Variants in THSD4 observed in about 807,000 individuals in gnomAD.
THSD4 encodes the protein thrombospondin type 1 domain containing 4.
Under a neutral mutation model 119.0 loss-of-function variants are expected in THSD4, and 69 were observed. The observed-to-expected ratio is 0.58, with a 90% confidence interval of 0.48 to 0.71. The LOEUF is 0.71. Ranked by LOEUF, THSD4 falls within the 30% of genes least tolerant of loss-of-function variation. THSD4 has a pLI of 0.00. For synonymous variants in THSD4, 524 were observed against 540.4 expected, an observed-to-expected ratio of 0.97 and a Z score of 0.42; for missense variants, 1,393 against 1,391.1, an observed-to-expected ratio of 1.00 and a Z score of -0.02.
intron 3 of THSD4, among the ~76,000 whole-genome samples, chr15:71,157,748 C>T (rs2040793940): frequency 7.6e-6 from 1 of 131,042 alleles, no homozygotes; most frequent in South Asian, 2.5e-4. Flanking sequence ...CTTTCTGTGT[C>T]GGCTTATTTC....
At chr15:71,319,437 C>T (rs1055128660) in intron 6 of THSD4, among the ~76,000 whole-genome samples, 7 of 136,748 alleles carry the variant, frequency 5.1e-5, no homozygotes, top group African/African-American at 8.1e-5. Context: ...AGTGATGTTC[C>T]CTGCCCTGTG....
At chr15:71,201,982 G>A (rs1359465946) in intron 3 of THSD4, among the ~76,000 whole-genome samples, 1 of 152,194 alleles carries the variant, frequency 6.6e-6, no homozygotes, top group Non-Finnish European at 1.5e-5. Flanking sequence ...TCAAGCCAAA[G>A]ATCTGTTAAG....
In THSD4 at chr15:71,650,762, G is replaced by A. The variant is rs111450664; in HGVS notation, c.1153-9768G>A. On this transcript the variant is annotated intron_variant, in intron 7 of 17. Coordinates refer to ENST00000261862, the MANE Select transcript of THSD4 (RefSeq NM_024817.3). ...TAAAACTTTCGCCCTGTCCTCACTT[G>A]GGGCTGACGCCATTTTAGGCCTCAG... Among the ~76,000 whole-genome samples, 368 of 152,280 alleles carry A rather than the reference G, an allele frequency of 2.4e-3. 2 individuals are homozygous for A. Among genetic ancestry groups the A allele is most frequent in the African/African-American group, 8.4e-3 (350 of 41,546 alleles).
chr15:71,494,962 A>G (rs2047987868), intron 7 of THSD4, among the ~76,000 whole-genome samples: 1 of 152,220 alleles, frequency 6.6e-6, no homozygotes, highest in East Asian at 1.9e-4. Context: ...AAAGGTCTCC[A>G]CTGACTCCCA....
chr15:71,390,791 G>GAAA (rs1432083419), intron 6 of THSD4, among the ~76,000 whole-genome samples: 1 of 144,414 alleles, frequency 6.9e-6, no homozygotes, highest in Non-Finnish European at 1.5e-5. Context: ...GGCTTTCAAA[G>GAAA]AAAATTTGTC....
chr15:71,199,030 T>C (rs757974930), intron 3 of THSD4, among the ~76,000 whole-genome samples: 22 of 152,350 alleles, frequency 1.4e-4, no homozygotes, highest in Non-Finnish European at 1.3e-4. Context: ...ATTAGTGACC[T>C]TGTTTAAAAA....
At chr15:71,373,570 C>T (rs548701247) in intron 6 of THSD4, among the ~76,000 whole-genome samples, 30 of 152,274 alleles carry the variant, frequency 2.0e-4, no homozygotes, top group African/African-American at 7.0e-4. Flanking sequence ...GGGATCTTTT[C>T]TGGATCCATA....
At chr15:71,209,038 T>A (rs1383167431) in intron 3 of THSD4, among the ~76,000 whole-genome samples, 1 of 152,022 alleles carries the variant, frequency 6.6e-6, no homozygotes, top group Non-Finnish European at 1.5e-5. Flanking sequence ...TTGAACAAGC[T>A]CCTCTTCTAA....
At chr15:71,328,719 A>C (rs1409472397) in intron 6 of THSD4, among the ~76,000 whole-genome samples, 1 of 152,202 alleles carries the variant, frequency 6.6e-6, no homozygotes. Flanking sequence ...GGTGCTGTTT[A>C]CTAGAGATCA....
intron 7 of THSD4, among the ~76,000 whole-genome samples, chr15:71,613,048 C>T (rs1470746720): frequency 6.6e-6 from 1 of 152,148 alleles, no homozygotes; most frequent in Non-Finnish European, 1.5e-5. Context: ...TTGTGAAATT[C>T]ACCTTGACTT....
chr15:71,761,583 T>A (rs2053628741), intron 15 of THSD4, among the ~76,000 whole-genome samples: 2 of 152,366 alleles, frequency 1.3e-5, no homozygotes, highest in African/African-American at 4.8e-5. Context: ...CACAAAGTTG[T>A]ACAACCATAT....
intron 8 of THSD4, among the ~76,000 whole-genome samples, chr15:71,679,865 G>T (rs1346820002): frequency 6.6e-6 from 1 of 152,214 alleles, no homozygotes; most frequent in Non-Finnish European, 1.5e-5. Flanking sequence ...TGAGGCAGGG[G>T]AAGTGACTAA....
At chr15:71,389,935 G>GTATT (rs2046353629) in intron 6 of THSD4, among the ~76,000 whole-genome samples, 1 of 149,914 alleles carries the variant, frequency 6.7e-6, no homozygotes, top group African/African-American at 2.5e-5. Flanking sequence ...TCAGCCTGTA[G>GTATT]CTGGGACTAC....
chr15:71,637,338 C>G (rs1285533280), intron 7 of THSD4, among the ~76,000 whole-genome samples: 1 of 152,102 alleles, frequency 6.6e-6, no homozygotes, highest in African/African-American at 2.4e-5. Context: ...CCATCTTGGG[C>G]TGTATACATG....
intron 7 of THSD4, among the ~76,000 whole-genome samples, chr15:71,543,793 C>G (rs1358608825): frequency 6.6e-6 from 1 of 152,088 alleles, no homozygotes; most frequent in Non-Finnish European, 1.5e-5. Flanking sequence ...TTTGGCAGGC[C>G]AAGGCAGGTG....
At chr15:71,459,380 G>GTCTCTCTC (rs141034841) in intron 7 of THSD4, among the ~76,000 whole-genome samples, 66 of 137,760 alleles carry the variant, frequency 4.8e-4, no homozygotes, top group Admixed American at 6.5e-4. Flanking sequence ...CTGTCTCTCT[G>GTCTCTCTC]TCTCTCTCTC....
At chr15:71,639,400 A>G (rs1341792180) in intron 7 of THSD4, among the ~76,000 whole-genome samples, 1 of 152,186 alleles carries the variant, frequency 6.6e-6, no homozygotes, top group Non-Finnish European at 1.5e-5. Context: ...CCCATTTGCA[A>G]TACAGGACCA....
chr15:71,545,120 C>T (rs1040014268), intron 7 of THSD4, among the ~76,000 whole-genome samples: 2 of 152,140 alleles, frequency 1.3e-5, no homozygotes, highest in African/African-American at 2.4e-5. Flanking sequence ...ATGTACTTAA[C>T]GCCACTCAAT....
chr15:71,341,156 A>G (rs756314647), intron 6 of THSD4: 163 of 1,406,018 alleles, frequency 1.2e-4, no homozygotes, highest in Non-Finnish European at 1.6e-4. Context: ...TTAATGCTGA[A>G]TTTACTCCCG....
Sources: allele counts gnomAD v4.1 joint callset (sites outside exome capture counted in the v4.1 genomes callset), GRCh38; gene constraint gnomAD v4.1.1; transcripts MANE v1.5; gene names NCBI Gene and HGNC (gene_info 2026-07-23, HGNC 2026-07-21).